RGS8: variants seen among roughly 807,000 people sequenced by gnomAD.
RGS8 encodes the protein regulator of G protein signaling 8, also known as regulator of G-protein signaling 8.
RGS8 carries 8 observed loss-of-function variants against 21.7 expected under a neutral mutation model. The ratio of observed to expected loss-of-function variants is 0.37; its 90% CI spans 0.22 to 0.66. The LOEUF (loss-of-function observed/expected upper bound fraction) is 0.66, where lower values mean the gene tolerates loss of function less well. Among genes scored for constraint, RGS8 ranks in the 30% least tolerant of loss-of-function variants. The pLI, the probability that RGS8 is intolerant of heterozygous loss-of-function variation, is 0.59. For missense variants in RGS8, 157 were observed against 217.9 expected, an observed-to-expected ratio of 0.72 and a Z score of 1.76; for synonymous variants, 80 against 83.6, an observed-to-expected ratio of 0.96 and a Z score of 0.24.
At chr1:182,698,941 A>T in the RGS8 span, among the ~76,000 whole-genome samples, 3 of 152,232 alleles carry the variant, frequency 2.0e-5, no homozygotes, top group Non-Finnish European at 4.4e-5. Flanking sequence ...AGTTACATAT[A>T]TTCAGCACGT....
chr1:182,660,536 A>T (rs1339420602), intron 5 of RGS8, among the ~76,000 whole-genome samples: 1 of 151,726 alleles, frequency 6.6e-6, no homozygotes, highest in African/African-American at 2.4e-5. Flanking sequence ...ATATATCCAG[A>T]AAGTACACCT....
chr1:182,672,730 G>C (rs1230438484), upstream of RGS8: 4 of 1,489,624 alleles, frequency 2.7e-6, no homozygotes, highest in East Asian at 9.0e-5. Flanking sequence ...TTGTTATGGA[G>C]TGAGACTTTT....
chr1:182,686,468 C>T (rs1664711501), upstream of RGS8, among the ~76,000 whole-genome samples: 2 of 152,020 alleles, frequency 1.3e-5, no homozygotes, highest in South Asian at 4.1e-4. Context: ...GGACAAAGTA[C>T]AGAGATTTGG....
the RGS8 span, among the ~76,000 whole-genome samples, chr1:182,752,118 C>T: frequency 6.6e-6 from 1 of 152,180 alleles, no homozygotes; most frequent in Non-Finnish European, 1.5e-5. Flanking sequence ...AACATAAGAG[C>T]CAGAGAGATC....
the RGS8 span, among the ~76,000 whole-genome samples, chr1:182,697,173 G>A: frequency 6.6e-6 from 1 of 152,226 alleles, no homozygotes; most frequent in East Asian, 1.9e-4. Context: ...GATGAGAAAA[G>A]TTGCAGTCAT....
the RGS8 span, among the ~76,000 whole-genome samples, chr1:182,706,341 G>C: frequency 1.3e-5 from 2 of 152,148 alleles, no homozygotes; most frequent in Non-Finnish European, 2.9e-5. Flanking sequence ...TGTCCAACTA[G>C]TGCTGCTGAT....
At chr1:182,663,368 A>C (rs1663695935) in intron 5 of RGS8, among the ~76,000 whole-genome samples, 1 of 152,218 alleles carries the variant, frequency 6.6e-6, no homozygotes, top group Non-Finnish European at 1.5e-5. Flanking sequence ...TCCTGAATAA[A>C]GACCCTTTCT....
upstream of RGS8, among the ~76,000 whole-genome samples, chr1:182,685,649 A>C (rs1664683626): frequency 6.6e-6 from 1 of 151,712 alleles, no homozygotes. Flanking sequence ...GCAGAACACG[A>C]CTCTTGCAGG....
intron 5 of RGS8, among the ~76,000 whole-genome samples, chr1:182,662,514 C>T (rs1055156705): frequency 2.6e-5 from 4 of 152,212 alleles, no homozygotes; most frequent in Non-Finnish European, 4.4e-5. Flanking sequence ...GGGTCAAAAT[C>T]GAGAACACAG....
At chr1:182,710,593 A>G in the RGS8 span, among the ~76,000 whole-genome samples, 1 of 152,176 alleles carries the variant, frequency 6.6e-6, no homozygotes, top group African/African-American at 2.4e-5. Flanking sequence ...AAGAGAAGGC[A>G]AACAAAACAA....
chr1:182,655,276 T>C (rs1465309401), intron 5 of RGS8, among the ~76,000 whole-genome samples: 1 of 152,114 alleles, frequency 6.6e-6, no homozygotes, highest in Non-Finnish European at 1.5e-5. Flanking sequence ...ACCACTGAAG[T>C]GGAAGGAGAG....
At chr1:182,659,934 G>A (rs1455994465) in intron 5 of RGS8, among the ~76,000 whole-genome samples, 1 of 152,110 alleles carries the variant, frequency 6.6e-6, no homozygotes, top group African/African-American at 2.4e-5. Context: ...AGCTCATGAG[G>A]CAAAGGGGAC....
chr1:182,732,263 T>TCA, the RGS8 span, among the ~76,000 whole-genome samples: 1 of 92,726 alleles, frequency 1.1e-5, no homozygotes, highest in Admixed American at 1.1e-4. Flanking sequence ...TGTCTCGCTC[T>TCA]CTCTCTCATA....
At chr1:182,715,167 A>G in the RGS8 span, among the ~76,000 whole-genome samples, 3,295 of 152,314 alleles carry the variant, frequency 0.022, 134 homozygotes, top group African/African-American at 0.075. Flanking sequence ...ATTGTAACGT[A>G]TAAGAGGAAG....
chr1:182,665,653 C>T (rs1571335904), intron 5 of RGS8, among the ~76,000 whole-genome samples: 1 of 152,344 alleles, frequency 6.6e-6, no homozygotes. Flanking sequence ...AACCTAGCTT[C>T]TCTCATTCCC....
chr1:182,724,200 G>GCATATATATA, the RGS8 span, among the ~76,000 whole-genome samples: 1 of 44,820 alleles, frequency 2.2e-5, no homozygotes, highest in East Asian at 7.6e-4. Flanking sequence ...AGGCTAGACT[G>GCATATATATA]GATATATATA....
chr1:182,738,441 A>G, the RGS8 span, among the ~76,000 whole-genome samples: 2 of 152,256 alleles, frequency 1.3e-5, no homozygotes, highest in Non-Finnish European at 2.9e-5. Context: ...TCAAGAAAAT[A>G]TATATTTTAA....
the RGS8 span, among the ~76,000 whole-genome samples, chr1:182,721,945 G>A: frequency 0.054 from 7,137 of 131,174 alleles, 227 homozygotes; most frequent in East Asian, 0.13. Flanking sequence ...CCCTATCACA[G>A]TGCACACAAT....
chr1:182,735,461 G>A, the RGS8 span, among the ~76,000 whole-genome samples: 1 of 152,174 alleles, frequency 6.6e-6, no homozygotes, highest in South Asian at 2.1e-4. Flanking sequence ...TTTGAATAAC[G>A]TAGGTCATTT....
Sources: allele counts gnomAD v4.1 joint callset (sites outside exome capture counted in the v4.1 genomes callset), GRCh38; gene constraint gnomAD v4.1.1; transcripts MANE v1.5; gene names NCBI Gene and HGNC (gene_info 2026-07-23, HGNC 2026-07-21).